The following NFIC variants were observed in gnomAD, a reference collection of about 807,000 sequenced individuals.
NFIC encodes nuclear factor I C.
NFIC carries 12 observed loss-of-function variants against 54.4 expected under a neutral mutation model. That is an observed-to-expected ratio of 0.22 (90% CI 0.14 to 0.36). The LOEUF (loss-of-function observed/expected upper bound fraction) is 0.36. NFIC is among the 10% of genes least tolerant of loss of function. The pLI, the probability that NFIC is intolerant of heterozygous loss-of-function variation, is 1.00. For synonymous variants in NFIC, 322 were observed against 319.2 expected (o/e 1.01, Z -0.09); for missense variants, 575 against 718.2 (o/e 0.80, Z 2.28).
intron 3 of NFIC, among the ~76,000 whole-genome samples, chr19:3,429,852 G>A (rs2082093979): frequency 2.0e-5 from 3 of 152,192 alleles, no homozygotes; most frequent in African/African-American, 7.2e-5. Context: ...CCAGTGCCGG[G>A]AACATCGTGG....
At chr19:3,366,952 A>G (rs1351151604) in intron 1 of NFIC, among the ~76,000 whole-genome samples, 1 of 144,206 alleles carries the variant, frequency 6.9e-6, no homozygotes, top group Non-Finnish European at 1.5e-5. Flanking sequence ...TGGTCTGCAG[A>G]TTTGCGTCCC....
At chr19:3,426,168 C>G (rs1214874177) in intron 3 of NFIC, among the ~76,000 whole-genome samples, 1 of 149,328 alleles carries the variant, frequency 6.7e-6, no homozygotes, top group African/African-American at 2.5e-5. Flanking sequence ...CTCCTGACCT[C>G]GTGATCCACC....
At chr19:3,420,428 T>C (rs940010894) in intron 2 of NFIC, among the ~76,000 whole-genome samples, 1 of 152,080 alleles carries the variant, frequency 6.6e-6, no homozygotes, top group African/African-American at 2.4e-5. Flanking sequence ...GGCACGTGCC[T>C]GTAATCCCAG....
At position 3,463,693 on chromosome 19, in the gene NFIC, C is replaced by A. The variant is rs910056444; in HGVS notation, c.*924C>A. ...GGCTCACACCCCCAAAGGGAGGGAC[C>A]CACATTGCACACACTGTAAGAAATG... On this transcript the variant is annotated 3_prime_UTR_variant, in exon 11 of 11. Coordinates refer to ENST00000443272, the MANE Select transcript of NFIC (RefSeq NM_001245002.2). 1.4e-5 allele frequency: 14 copies of A among 982,278 alleles called. No individual in the cohort carries two copies. The highest frequency in any genetic ancestry group is 1.3e-4 in the Admixed American group (2 of 16,000). The allele number at this position is 982,278 out of a possible 1,614,324, so 60.8% of individuals were successfully genotyped here. A position where few individuals can be genotyped will look rare whatever the true frequency, so the allele number is the denominator to read the frequency against.
intron 2 of NFIC, among the ~76,000 whole-genome samples, chr19:3,399,440 G>A (rs1001347239): frequency 6.6e-6 from 1 of 152,120 alleles, no homozygotes; most frequent in Non-Finnish European, 1.5e-5. Flanking sequence ...GCCAGGCATG[G>A]TGATGTGTGC....
intron 3 of NFIC, among the ~76,000 whole-genome samples, chr19:3,430,124 A>G (rs1019241285): frequency 6.6e-6 from 1 of 152,066 alleles, no homozygotes; most frequent in Non-Finnish European, 1.5e-5. Context: ...CATTTGACTT[A>G]ATGAGCTTTT....
At chr19:3,456,333 G>A (rs2082554232) in intron 9 of NFIC, among the ~76,000 whole-genome samples, 1 of 152,066 alleles carries the variant, frequency 6.6e-6, no homozygotes, top group Non-Finnish European at 1.5e-5. Flanking sequence ...TGACCCCCGG[G>A]CCCCTCGAGT....
intron 1 of NFIC, among the ~76,000 whole-genome samples, chr19:3,378,122 G>A (rs1380500140): frequency 1.3e-5 from 2 of 151,972 alleles, no homozygotes; most frequent in Non-Finnish European, 2.9e-5. Context: ...GTGTGTGGCT[G>A]TAATAGTGTG....
At chr19:3,417,591 G>A (rs565066235) in intron 2 of NFIC, among the ~76,000 whole-genome samples, 4 of 151,798 alleles carry the variant, frequency 2.6e-5, no homozygotes, top group Admixed American at 2.6e-4. Flanking sequence ...AGTAGGTGGA[G>A]GAGGAGGAAT....
In NFIC at chr19:3,449,127, G is replaced by T. The variant is rs895789424; in HGVS notation, c.1072G>T (p.Ala358Ser). Residue 358 changes from alanine to serine, a missense_variant, in exon 7 of 11, where the codon GCC (alanine) becomes TCC (serine). Physicochemically the swap from Ala to Ser is moderately conservative, Grantham distance 99. Transcript: ENST00000443272. The stretch of plus-strand genomic sequence containing the variant: ...CACCCAGCACCACCGGCCCGTCATC[G>T]CCGTGCACAGCGGTAAGCGCCACGG... ...SFTQHHRPVI[A>S]VHSGIARSPH... The T allele has an allele frequency of 6.2e-7, 1 of 1,613,122 alleles. No homozygotes were observed. Among genetic ancestry groups the T allele is most frequent in the African/African-American group, 1.3e-5 (1 of 75,026 alleles).
At chr19:3,449,452 C>T (rs553939486) in intron 7 of NFIC, among the ~76,000 whole-genome samples, 16 of 151,868 alleles carry the variant, frequency 1.1e-4, no homozygotes, top group Non-Finnish European at 1.5e-4. Context: ...CACTGATGGA[C>T]AGGCAGGATC....
At chr19:3,423,423 T>G (rs2081982669) in intron 2 of NFIC, among the ~76,000 whole-genome samples, 1 of 151,468 alleles carries the variant, frequency 6.6e-6, no homozygotes, top group South Asian at 2.1e-4. Context: ...GTCCTGGCCT[T>G]GGGGTCTGGC....
At chr19:3,420,420 C>T (rs1485153822) in intron 2 of NFIC, among the ~76,000 whole-genome samples, 1 of 152,054 alleles carries the variant, frequency 6.6e-6, no homozygotes, top group African/African-American at 2.4e-5. Flanking sequence ...GGCGTGGTGG[C>T]ACGTGCCTGT....
At chr19:3,380,334 T>TTC (rs2081185172) in intron 1 of NFIC, among the ~76,000 whole-genome samples, 1 of 123,570 alleles carries the variant, frequency 8.1e-6, no homozygotes, top group East Asian at 2.1e-4. Flanking sequence ...TTTTTTTTTT[T>TTC]GAGACAGTGT....
chr19:3,434,221 A>C, intron 4 of NFIC, 56 bp from the exon 5 acceptor site: 1 of 1,561,802 alleles, frequency 6.4e-7, no homozygotes. Context: ...TCTCTAAAGC[A>C]AACCGCAGCA....
intron 6 of NFIC, among the ~76,000 whole-genome samples, chr19:3,439,383 C>A (rs111892488): frequency 1.6e-5 from 2 of 128,594 alleles, no homozygotes; most frequent in African/African-American, 5.8e-5. Flanking sequence ...AAAGGCTCAC[C>A]TGTAATCCCA....
upstream of NFIC, among the ~76,000 whole-genome samples, chr19:3,362,183 T>C (rs2080820290): frequency 6.6e-6 from 1 of 152,134 alleles, no homozygotes; most frequent in African/African-American, 2.4e-5. Context: ...ACTCTGTGTG[T>C]GCCTGTATGG....
At chr19:3,377,022 A>G (rs2081119591) in intron 1 of NFIC, among the ~76,000 whole-genome samples, 1 of 150,002 alleles carries the variant, frequency 6.7e-6, no homozygotes, top group South Asian at 2.2e-4. Context: ...GAGCCACCAC[A>G]CCAGGCTGAG....
intron 2 of NFIC, among the ~76,000 whole-genome samples, chr19:3,409,311 T>G (rs899808488): frequency 1.3e-5 from 2 of 152,186 alleles, no homozygotes; most frequent in African/African-American, 2.4e-5. Context: ...GCTGGGCTCC[T>G]TCTCCCGCTG....
Sources: gnomAD v4.1 joint callset for allele counts (sites outside exome capture counted in the v4.1 genomes callset) on GRCh38, gnomAD v4.1.1 for gene constraint, MANE v1.5 for transcripts, NCBI Gene and HGNC (gene_info 2026-07-23, HGNC 2026-07-21) for gene names.